Variants in ADAMTS9 observed in about 807,000 individuals in gnomAD.
ADAMTS9 encodes ADAM metallopeptidase with thrombospondin type 1 motif 9.
A neutral mutation model predicts 257.1 loss-of-function variants in ADAMTS9; 107 were observed. The ratio of observed to expected loss-of-function variants is 0.42; its 90% CI spans 0.36 to 0.49. ADAMTS9 has a LOEUF of 0.49. Among genes scored for constraint, ADAMTS9 ranks in the 20% least tolerant of loss-of-function variants. ADAMTS9 has a pLI of 0.03. For synonymous variants in ADAMTS9, 982 were observed against 880.9 expected, an observed-to-expected ratio of 1.11 and a Z score of -2.03; for missense variants, 2,353 against 2,469.1, an observed-to-expected ratio of 0.95 and a Z score of 1.00.
At chr3:64,679,343 A>G (rs1431680613) in intron 3 of ADAMTS9, among the ~76,000 whole-genome samples, 1 of 152,220 alleles carries the variant, frequency 6.6e-6, no homozygotes. Flanking sequence ...AATAAGACAG[A>G]GAAACATGGG....
chr3:64,608,236 A>G (rs941826078), intron 22 of ADAMTS9, among the ~76,000 whole-genome samples: 2 of 150,210 alleles, frequency 1.3e-5, no homozygotes, highest in Non-Finnish European at 3.0e-5. Context: ...AAGGAACTAC[A>G]AAATTAACAG....
intron 16 of ADAMTS9, among the ~76,000 whole-genome samples, chr3:64,626,876 G>T (rs1700235800): frequency 6.6e-6 from 1 of 152,058 alleles, no homozygotes; most frequent in African/African-American, 2.4e-5. Context: ...ACCTCGTCTT[G>T]CCTGCAGCTC....
intron 16 of ADAMTS9, among the ~76,000 whole-genome samples, chr3:64,624,746 G>C (rs1700187627): frequency 6.6e-6 from 1 of 152,150 alleles, no homozygotes; most frequent in East Asian, 1.9e-4. Context: ...ACCTTGGCAT[G>C]ATTAAAATGA....
At chr3:64,623,553 G>A (rs1238964140) in intron 16 of ADAMTS9, among the ~76,000 whole-genome samples, 3 of 152,262 alleles carry the variant, frequency 2.0e-5, no homozygotes, top group African/African-American at 7.2e-5. Context: ...CCTTACATGA[G>A]AAACTGAGAG....
intron 38 of ADAMTS9, among the ~76,000 whole-genome samples, chr3:64,530,608 T>C (rs1002472165): frequency 1.3e-5 from 2 of 151,678 alleles, no homozygotes; most frequent in East Asian, 3.9e-4. Flanking sequence ...CCAAAAGTCT[T>C]GGGGAACAGC....
chr3:64,520,076 G>C (rs2082830290), intron 39 of ADAMTS9, among the ~76,000 whole-genome samples: 1 of 152,054 alleles, frequency 6.6e-6, no homozygotes, highest in African/African-American at 2.4e-5. Flanking sequence ...TCCTAGACCT[G>C]AAAAATGACT....
intron 4 of ADAMTS9, among the ~76,000 whole-genome samples, chr3:64,657,475 A>T (rs990196826): frequency 6.6e-6 from 1 of 151,280 alleles, no homozygotes; most frequent in Non-Finnish European, 1.5e-5. Flanking sequence ...ACCTGAGCCT[A>T]CTATAGGTAT....
chr3:64,683,107 C>A (rs1701799964), intron 2 of ADAMTS9, among the ~76,000 whole-genome samples: 1 of 152,190 alleles, frequency 6.6e-6, no homozygotes, highest in Admixed American at 6.5e-5. Flanking sequence ...TAAATTTATT[C>A]TCTGCCTGTG....
rs184446140 is a variant in ADAMTS9, at chr3:64,571,748, A to G, written c.4357-3213T>C. On this transcript the variant is annotated intron_variant, in intron 28 of 39. Transcript: ENST00000498707. Reference sequence around the variant, plus strand: ...TCTTTTAATGCTTTCTAACTTACCAATGAAGAAAAGCAGCTGCTCGTGGAA... The same window carrying G: ...TCTTTTAATGCTTTCTAACTTACCAGTGAAGAAAAGCAGCTGCTCGTGGAA... Among the ~76,000 whole-genome samples, 209 of 152,334 alleles carry G rather than the reference A, an allele frequency of 1.4e-3. 1 individual carries two copies. The highest frequency in any genetic ancestry group is 4.4e-3 in the African/African-American group (181 of 41,572).
rs116628355 is a variant in ADAMTS9, at chr3:64,599,302, T to C, written c.4018-2311A>G. ...GTTGCAGACTTTCAGTCTGGACTTTTGTTAACAAAGTCCCTGTCCTCTTTA... is the reference window on the plus strand; with the variant it reads ...GTTGCAGACTTTCAGTCTGGACTTTCGTTAACAAAGTCCCTGTCCTCTTTA... On this transcript the variant is annotated intron_variant, in intron 26 of 39. Transcript: ENST00000498707. 2.1e-3 allele frequency among the ~76,000 whole-genome samples: 323 copies of C among 152,358 alleles called. 1 individual carries two copies. Among genetic ancestry groups the C allele is most frequent in the African/African-American group, 7.7e-3 (319 of 41,590 alleles).
In ADAMTS9 at chr3:64,539,353, A is replaced by G. The variant is rs1161237125; in HGVS notation, c.5522-59T>C. 4 of 1,395,104 alleles carry G rather than the reference A, an allele frequency of 2.9e-6. No homozygotes were observed. In the South Asian group the frequency reaches 3.5e-5, roughly 12 times the overall value. The allele number at this position is 1,395,104 out of a possible 1,614,324, so 86.4% of individuals were successfully genotyped here. On this transcript the variant is annotated intron_variant, in intron 36 of 39. Coordinates refer to ENST00000498707, the MANE Select transcript of ADAMTS9 (RefSeq NM_182920.2). Reference sequence around the variant, plus strand: ...AGGTAAGAGTGGGAGAAAGGCAAGGAAGGAACAGGACATTAACAAGGAGAC... The same window carrying G: ...AGGTAAGAGTGGGAGAAAGGCAAGGGAGGAACAGGACATTAACAAGGAGAC...
Position 64,687,593 on chromosome 3 carries a change from C to A in ADAMTS9, c.65G>T (p.Ser22Ile), listed in dbSNP as rs148323882. ...LLVRDLAEMG[S>I]PDAAAAVRKD... is the part of the protein sequence containing the mutation. ...GCGCACGGCCGCCGCGGCGTCTGGG[C>A]TCCCCATCTCGGCCAGGTCCCGCAC... The change falls in exon 1 of 40, where the codon AGC (serine) becomes ATC (isoleucine). Residue 22 changes from serine (S) to isoleucine (I), a missense_variant. Ser to Ile is a moderately radical substitution (Grantham distance 142). Around this residue, in one of 3 missense-constraint regions of ADAMTS9, gnomAD observed 591 missense variants for 569.6 expected, o/e 1.04. Transcript: ENST00000498707. The surrounding 1 kb of genome is among the most constrained non-coding windows in gnomAD (Gnocchi z 4.4). 3 of 1,582,152 alleles carry A rather than the reference C, an allele frequency of 1.9e-6. No individual in the cohort carries two copies. Among genetic ancestry groups the A allele is most frequent in the Non-Finnish European group, 2.6e-6 (3 of 1,165,516 alleles).
chr3:64,635,942 C>G (rs1576144914), intron 12 of ADAMTS9, among the ~76,000 whole-genome samples: 1 of 152,084 alleles, frequency 6.6e-6, no homozygotes, highest in African/African-American at 2.4e-5. Flanking sequence ...ACAAGGAAGA[C>G]CCCCTTCAAT....
chr3:64,650,197 T>C (rs1700897544), intron 9 of ADAMTS9: 1 of 155,390 alleles, frequency 6.4e-6, no homozygotes, highest in Non-Finnish European at 1.4e-5. Flanking sequence ...CAATGACTCA[T>C]AGAAAGAAAA....
At chr3:64,617,875 A>G (rs1314354210) in intron 19 of ADAMTS9, among the ~76,000 whole-genome samples, 2 of 152,166 alleles carry the variant, frequency 1.3e-5, no homozygotes, top group African/African-American at 4.8e-5. Flanking sequence ...TGGAAAAGCT[A>G]TTTCAGAGTT....
intron 36 of ADAMTS9, among the ~76,000 whole-genome samples, 193 bp downstream of exon 36, chr3:64,540,900 CAA>C (rs2083112336): frequency 3.3e-5 from 5 of 152,196 alleles, no homozygotes; most frequent in African/African-American, 9.6e-5. Context: ...CAGCAGTGAA[CAA>C]AAGAGACAAA....
chr3:64,599,244 G>T (rs2106801797), intron 26 of ADAMTS9, among the ~76,000 whole-genome samples: 1 of 152,256 alleles, frequency 6.6e-6, no homozygotes, highest in African/African-American at 2.4e-5. Context: ...GCCATTATTT[G>T]ATTAACAGGG....
intron 38 of ADAMTS9, among the ~76,000 whole-genome samples, chr3:64,525,953 C>T (rs572572741): frequency 4.8e-5 from 7 of 146,124 alleles, no homozygotes; most frequent in African/African-American, 1.7e-4. Flanking sequence ...ATATAATAAA[C>T]ATTTATATAA....
rs1470510582 is a variant in ADAMTS9, at chr3:64,522,044, G to T, written c.*5+122C>A. On this transcript the variant is annotated intron_variant, in intron 39 of 39. Coordinates refer to ENST00000498707, the MANE Select transcript of ADAMTS9 (RefSeq NM_182920.2). ...GAGCAGGAGATAAAAAGGTAGAACT[G>T]TATTGGGTCAGCTTCAAGATGCTTA... is the stretch of plus-strand genomic sequence containing the variant. 4 of 756,720 alleles carry T rather than the reference G, an allele frequency of 5.3e-6. No individual in the cohort carries two copies. In the East Asian group the frequency reaches 1.1e-4, roughly 21 times the overall value. The allele number at this position is 756,720 out of a possible 1,614,324, so 46.9% of individuals were successfully genotyped here. A position where few individuals can be genotyped will look rare whatever the true frequency, so the allele number is the denominator to read the frequency against.
Sources: allele counts gnomAD v4.1 joint callset (sites outside exome capture counted in the v4.1 genomes callset), GRCh38; gene constraint gnomAD v4.1.1; regional missense constraint gnomAD v4.1.1; non-coding constraint Gnocchi (gnomAD v3.1); transcripts MANE v1.5; gene names NCBI Gene and HGNC (gene_info 2026-07-23, HGNC 2026-07-21).